The following DRC9 variants were observed in gnomAD, a reference collection of about 807,000 sequenced individuals.
The protein encoded by DRC9 is dynein regulatory complex subunit 9.
chr3:197,955,369 T>A, the DRC9 span, among the ~76,000 whole-genome samples: 1 of 151,950 alleles, frequency 6.6e-6, no homozygotes, highest in African/African-American at 2.4e-5. Context: ...TTCAAGCGAT[T>A]CTCCTGCCTC....
chr3:197,915,321 C>T, the DRC9 span, among the ~76,000 whole-genome samples: 1 of 149,806 alleles, frequency 6.7e-6, no homozygotes, highest in South Asian at 2.1e-4. Context: ...TGAAAGAAAG[C>T]TCCGGAGGCT....
chr3:197,945,394 T>C, the DRC9 span, among the ~76,000 whole-genome samples: 3 of 152,288 alleles, frequency 2.0e-5, no homozygotes, highest in East Asian at 5.8e-4. Flanking sequence ...TTGCCACCCC[T>C]GGCCAACTTC....
At chr3:197,897,937 A>AT in the DRC9 span, among the ~76,000 whole-genome samples, 2,723 of 133,048 alleles carry the variant, frequency 0.02, 102 homozygotes, top group African/African-American at 0.066. Context: ...CGCCCAGCTA[A>AT]TTTTTTTTTT....
At chr3:197,940,308 C>CAT in the DRC9 span, among the ~76,000 whole-genome samples, 35,599 of 146,196 alleles carry the variant, frequency 0.24, 5,300 homozygotes, top group African/African-American at 0.43. Context: ...TAAAAATTTA[C>CAT]ATATATATAT....
chr3:197,952,194 CG>C, the DRC9 span, among the ~76,000 whole-genome samples: 1 of 94,190 alleles, frequency 1.1e-5, no homozygotes, highest in Non-Finnish European at 1.9e-5. Flanking sequence ...TTTTTGGAGA[CG>C]GAGTCTCACT....
the DRC9 span, chr3:197,956,138 G>A: frequency 3.5e-6 from 1 of 285,806 alleles, no homozygotes; most frequent in African/African-American, 2.2e-5. Context: ...TAAATTTTTT[G>A]TAGAGAGGGT....
At chr3:197,956,774 C>T in the DRC9 span, 3 of 152,078 alleles carry the variant, frequency 2.0e-5, no homozygotes, top group African/African-American at 7.2e-5. Flanking sequence ...GGGCCACAGG[C>T]ATGTGCAGCC....
the DRC9 span, chr3:197,950,245 A>T: frequency 4.1e-6 from 5 of 1,230,636 alleles, no homozygotes; most frequent in Admixed American, 1.3e-4. Flanking sequence ...CTGCTGCTGA[A>T]ATTTGGGGGC....
At chr3:197,946,186 A>G in the DRC9 span, among the ~76,000 whole-genome samples, 657 of 152,332 alleles carry the variant, frequency 4.3e-3, 11 homozygotes, top group African/African-American at 0.015. Flanking sequence ...CTGTAATCCC[A>G]GCACTCTGGG....
At chr3:197,898,571 A>T in the DRC9 span, among the ~76,000 whole-genome samples, 100 of 152,294 alleles carry the variant, frequency 6.6e-4, no homozygotes, top group African/African-American at 2.3e-3. Flanking sequence ...CATATCGGAG[A>T]CTGGGTAATT....
At chr3:197,904,093 T>TATATATACATAC in the DRC9 span, among the ~76,000 whole-genome samples, 9 of 39,288 alleles carry the variant, frequency 2.3e-4, no homozygotes, top group East Asian at 7.9e-4. Flanking sequence ...CATACATATA[T>TATATATACATAC]ATATATATAT....
chr3:197,907,530 TCGA>T, the DRC9 span, among the ~76,000 whole-genome samples: 1 of 152,254 alleles, frequency 6.6e-6, no homozygotes, highest in Non-Finnish European at 1.5e-5. Flanking sequence ...TAGAATCAAC[TCGA>T]CATGTTTCCC....
the DRC9 span, chr3:197,951,336 T>C: frequency 1.2e-5 from 19 of 1,613,242 alleles, no homozygotes; most frequent in Admixed American, 3.0e-4. Context: ...CTGGTAGGTT[T>C]TGGGTTTTTG....
the DRC9 span, chr3:197,938,702 G>C: frequency 3.7e-6 from 6 of 1,614,044 alleles, no homozygotes; most frequent in Non-Finnish European, 5.1e-6. Flanking sequence ...GTTATTAACG[G>C]ACTGGGTATT....
At chr3:197,933,061 AT>A in the DRC9 span, among the ~76,000 whole-genome samples, 6 of 76,088 alleles carry the variant, frequency 7.9e-5, no homozygotes, top group African/African-American at 7.4e-4. Context: ...AAATACATAT[AT>A]TATACATATA....
chr3:197,912,689 TAAGGAAC>T, the DRC9 span: 1 of 1,613,662 alleles, frequency 6.2e-7, no homozygotes. Context: ...TGCTCCTTTC[TAAGGAAC>T]ATTTCAATCT....
the DRC9 span, chr3:197,959,629 T>C: frequency 6.6e-6 from 1 of 152,288 alleles, no homozygotes; most frequent in Non-Finnish European, 1.5e-5. Flanking sequence ...CCATTTTGTA[T>C]AGTTCCTCAC....
the DRC9 span, among the ~76,000 whole-genome samples, chr3:197,922,384 C>T: frequency 1.3e-5 from 2 of 152,162 alleles, no homozygotes; most frequent in Middle Eastern, 3.4e-3. Flanking sequence ...TTTGACATTG[C>T]TTTGGAGGGC....
At chr3:197,944,926 A>G in the DRC9 span, among the ~76,000 whole-genome samples, 10 of 152,186 alleles carry the variant, frequency 6.6e-5, no homozygotes, top group Non-Finnish European at 1.5e-4. Context: ...GGCTATTCTG[A>G]TCAATTTGAA....
Sources: gnomAD v4.1 joint callset for allele counts (sites outside exome capture counted in the v4.1 genomes callset) on GRCh38, gnomAD v4.1.1 for gene constraint, MANE v1.5 for transcripts, NCBI Gene and HGNC (gene_info 2026-07-23, HGNC 2026-07-21) for gene names.